The following LRMDA variants were observed in gnomAD, a reference collection of about 807,000 sequenced individuals.
LRMDA encodes leucine-rich melanocyte differentiation-associated protein.
LRMDA carries 18 observed loss-of-function variants against 29.8 expected under a neutral mutation model. That is an observed-to-expected ratio of 0.60 (90% CI 0.42 to 0.90). The LOEUF (loss-of-function observed/expected upper bound fraction) is 0.90. Ranked by LOEUF, LRMDA falls within the 40% of genes least tolerant of loss-of-function variation. The pLI is 0.00. For synonymous variants in LRMDA, 125 were observed against 109.4 expected (o/e 1.14, Z -0.89); for missense variants, 273 against 273.9 (o/e 1.00, Z 0.02).
At chr10:75,580,119 A>G (rs1840567697) in intron 2 of LRMDA, among the ~76,000 whole-genome samples, 1 of 152,234 alleles carries the variant, frequency 6.6e-6, no homozygotes, top group African/African-American at 2.4e-5. Flanking sequence ...TTAGGAAAAG[A>G]GGAAGTCAAA....
At chr10:75,720,687 G>T (rs1377980008) in intron 2 of LRMDA, among the ~76,000 whole-genome samples, 1 of 152,166 alleles carries the variant, frequency 6.6e-6, no homozygotes, top group Non-Finnish European at 1.5e-5. Context: ...TTTTGCTGTG[G>T]ATTCAGAACT....
rs1848613479 is a variant in LRMDA, at chr10:76,056,318, GA to G, written c.399-2343del. ...CCATGGGTGGCCACAGCAGGGTCCA[GA>G]AAAAGTACCATATGTTCTCACTCTG... On this transcript the variant is annotated intron_variant, in intron 4 of 6. Coordinates refer to ENST00000611255, the MANE Select transcript of LRMDA (RefSeq NM_001305581.2). Among the ~76,000 whole-genome samples, 4 of 152,190 alleles carry G rather than the reference GA, an allele frequency of 2.6e-5. No individual in the cohort carries two copies. In the South Asian group the frequency reaches 8.3e-4, roughly 32 times the overall value.
rs146123023 is a variant in LRMDA, at chr10:75,782,995, TC to T, written c.132-253012del. The T allele has an allele frequency of 2.9e-3, 4,635 of 1,614,100 alleles. 63 individuals carry two copies. In the African/African-American group the frequency reaches 0.029, roughly 10 times the overall value. ...AAATGAATGGAAAAGTATTTGTCACTCAGCGGCAATCATTCTTCAAATAAAA... is the reference window on the plus strand; with the variant it reads ...AAATGAATGGAAAAGTATTTGTCACTAGCGGCAATCATTCTTCAAATAAAA... On this transcript the variant is annotated intron_variant, in intron 2 of 6. Transcript: ENST00000611255.
chr10:76,511,036 A>G (rs1448618329), intron 6 of LRMDA, among the ~76,000 whole-genome samples: 1 of 152,188 alleles, frequency 6.6e-6, no homozygotes, highest in Non-Finnish European at 1.5e-5. Context: ...ATTGTGGGAT[A>G]TTTGAATTGT....
intron 2 of LRMDA, among the ~76,000 whole-genome samples, chr10:75,595,521 T>C (rs2132087303): frequency 6.7e-6 from 1 of 150,346 alleles, no homozygotes; most frequent in Non-Finnish European, 1.5e-5. Flanking sequence ...TATGTTTATA[T>C]ATTAGTATGT....
chr10:75,658,731 G>GA (rs1159021378), intron 2 of LRMDA, among the ~76,000 whole-genome samples: 3 of 152,136 alleles, frequency 2.0e-5, no homozygotes, highest in South Asian at 2.1e-4. Flanking sequence ...CAGTATAAGA[G>GA]AAAAAATAAA....
chr10:75,478,389 T>C (rs1844820060), intron 2 of LRMDA, among the ~76,000 whole-genome samples: 1 of 152,212 alleles, frequency 6.6e-6, no homozygotes, highest in Admixed American at 6.5e-5. Flanking sequence ...TATTTTTGCC[T>C]GTCAACAGCG....
At position 76,295,393 on chromosome 10, in the gene LRMDA, A is replaced by G. The variant is rs118048457; in HGVS notation, c.517-29008A>G. ...CTCATTTGAATTCAAATTCATTGTT[A>G]TACTGAGAATTTCAAAGTTTGCCTA... On this transcript the variant is annotated intron_variant, in intron 5 of 6. Coordinates refer to ENST00000611255, the MANE Select transcript of LRMDA (RefSeq NM_001305581.2). Among the ~76,000 whole-genome samples, 46 of 152,314 alleles carry G rather than the reference A, an allele frequency of 3.0e-4. No individual in the cohort carries two copies. In the East Asian group the frequency reaches 8.7e-3, roughly 29 times the overall value.
chr10:75,910,792 T>C lies in LRMDA; in HGVS notation c.132-125216T>C, dbSNP rs555505777. ...ATCAATCCCTGGTCTCTCTACCAGA[T>C]ACCGAGGTGGCCAGGTCTCATCAAA... On this transcript the variant is annotated intron_variant, in intron 2 of 6. Coordinates refer to ENST00000611255, the MANE Select transcript of LRMDA (RefSeq NM_001305581.2). 3.3e-5 allele frequency among the ~76,000 whole-genome samples: 5 copies of C among 152,296 alleles called. No homozygotes were observed. The East Asian group carries it at 9.7e-4, about 29-fold the overall frequency.
intron 6 of LRMDA, among the ~76,000 whole-genome samples, chr10:76,327,671 G>A (rs922535072): frequency 7.9e-5 from 12 of 152,170 alleles, no homozygotes; most frequent in African/African-American, 2.9e-4. Flanking sequence ...GGAACCCAGG[G>A]GAAGGGTGAG....
In LRMDA at chr10:75,842,634, G is replaced by A. The variant is rs1018416317; in HGVS notation, c.132-193374G>A. 2.6e-5 allele frequency among the ~76,000 whole-genome samples: 4 copies of A among 152,166 alleles called. No individual in the cohort carries two copies. In the South Asian group the frequency reaches 6.2e-4, roughly 24 times the overall value. On this transcript the variant is annotated intron_variant, in intron 2 of 6. Coordinates refer to ENST00000611255, the MANE Select transcript of LRMDA (RefSeq NM_001305581.2). The stretch of plus-strand genomic sequence containing the variant: ...CAAAGTGCATTGCATGTGGTATGGC[G>A]AATGCTGTTTTATGAAGTTTTTCTT...
At chr10:75,902,630 G>C (rs1007099565) in intron 2 of LRMDA, among the ~76,000 whole-genome samples, 1 of 152,122 alleles carries the variant, frequency 6.6e-6, no homozygotes, top group Admixed American at 6.6e-5. Flanking sequence ...GGAAAATAAG[G>C]TCTCTCCCTT....
chr10:76,175,035 C>T (rs1354268110), intron 5 of LRMDA, among the ~76,000 whole-genome samples: 11 of 152,116 alleles, frequency 7.2e-5, no homozygotes, highest in African/African-American at 2.2e-4. Flanking sequence ...GCAGGAGAAT[C>T]GCTTCAACCT....
chr10:75,631,876 G>A (rs757069409), intron 2 of LRMDA, among the ~76,000 whole-genome samples: 17 of 152,108 alleles, frequency 1.1e-4, no homozygotes, highest in Non-Finnish European at 1.5e-4. Context: ...CCATTGACCC[G>A]CCCTAAATTG....
At chr10:76,454,911 T>A (rs968654865) in intron 6 of LRMDA, among the ~76,000 whole-genome samples, 1 of 152,192 alleles carries the variant, frequency 6.6e-6, no homozygotes, top group Non-Finnish European at 1.5e-5. Flanking sequence ...GGGATCTGGT[T>A]TGACTGGGGC....
intron 5 of LRMDA, among the ~76,000 whole-genome samples, chr10:76,075,854 T>C (rs756110536): frequency 3.9e-5 from 6 of 152,092 alleles, no homozygotes; most frequent in Non-Finnish European, 7.4e-5. Flanking sequence ...GATTTTAGGG[T>C]TCAACCTGGA....
chr10:75,564,480 G>T (rs575900520), intron 2 of LRMDA, among the ~76,000 whole-genome samples: 4 of 152,196 alleles, frequency 2.6e-5, no homozygotes, highest in Non-Finnish European at 5.9e-5. Context: ...GACCCCTTGC[G>T]CTTCCCGAGT....
chr10:76,388,811 C>T (rs981466302), intron 6 of LRMDA, among the ~76,000 whole-genome samples: 1 of 152,200 alleles, frequency 6.6e-6, no homozygotes, highest in African/African-American at 2.4e-5. Context: ...ATCCTCACTA[C>T]AATTCATGAG....
At chr10:75,919,140 A>AACTT (rs1219797588) in intron 2 of LRMDA, among the ~76,000 whole-genome samples, 20 of 152,300 alleles carry the variant, frequency 1.3e-4, no homozygotes, top group Admixed American at 3.9e-4. Flanking sequence ...GAATTGACTG[A>AACTT]AGTCATAGAA....
Sources: allele counts gnomAD v4.1 joint callset (sites outside exome capture counted in the v4.1 genomes callset), GRCh38; gene constraint gnomAD v4.1.1; transcripts MANE v1.5; gene names NCBI Gene and HGNC (gene_info 2026-07-23, HGNC 2026-07-21).